Variants in ST6GALNAC3 observed in about 807,000 individuals in gnomAD.
The protein encoded by ST6GALNAC3 is alpha-N-acetylgalactosaminide alpha-2,6-sialyltransferase 3.
A neutral mutation model predicts 32.7 loss-of-function variants in ST6GALNAC3; 25 were observed. The ratio of observed to expected loss-of-function variants is 0.76; its 90% CI spans 0.56 to 1.07. ST6GALNAC3 has a LOEUF of 1.07. Ranked by LOEUF, ST6GALNAC3 falls within the 50% of genes least tolerant of loss-of-function variation. The pLI, the probability that ST6GALNAC3 is intolerant of heterozygous loss-of-function variation, is 0.00. For missense variants in ST6GALNAC3, 355 were observed against 382.4 expected (o/e 0.93, Z 0.60); for synonymous variants, 129 against 133.1 (o/e 0.97, Z 0.21).
At chr1:76,377,212 T>G (rs1187934632) in intron 2 of ST6GALNAC3, among the ~76,000 whole-genome samples, 3 of 152,172 alleles carry the variant, frequency 2.0e-5, no homozygotes, top group African/African-American at 7.2e-5. Flanking sequence ...AGGGCATGAC[T>G]GAGAAATTGA....
At chr1:76,602,099 A>G (rs1647262206) in intron 3 of ST6GALNAC3, among the ~76,000 whole-genome samples, 1 of 152,174 alleles carries the variant, frequency 6.6e-6, no homozygotes. Flanking sequence ...GAGGATGTTA[A>G]TGGGACTTCA....
chr1:76,148,154 T>G (rs1372192620), intron 1 of ST6GALNAC3, among the ~76,000 whole-genome samples: 1 of 152,220 alleles, frequency 6.6e-6, no homozygotes, highest in African/African-American at 2.4e-5. Flanking sequence ...TGCCTCAGTC[T>G]GTACCATGGG....
chr1:76,159,007 G>A (rs2100367336), intron 1 of ST6GALNAC3, among the ~76,000 whole-genome samples: 1 of 152,230 alleles, frequency 6.6e-6, no homozygotes, highest in South Asian at 2.1e-4. Context: ...AATGTGCCAG[G>A]GTCGTGTGGT....
chr1:76,249,960 A>G (rs1229629109), intron 1 of ST6GALNAC3, among the ~76,000 whole-genome samples: 7 of 152,006 alleles, frequency 4.6e-5, no homozygotes, highest in African/African-American at 1.2e-4. Flanking sequence ...GTCTTTTTTA[A>G]TTGTTGAGTT....
At chr1:76,111,645 C>A (rs555686117) in intron 1 of ST6GALNAC3, among the ~76,000 whole-genome samples, 234 of 149,634 alleles carry the variant, frequency 1.6e-3, no homozygotes, top group African/African-American at 5.4e-3. Context: ...TGACTCTTAA[C>A]GAGCATGCTG....
At chr1:76,236,922 T>C (rs1036745831) in intron 1 of ST6GALNAC3, among the ~76,000 whole-genome samples, 2 of 151,944 alleles carry the variant, frequency 1.3e-5, no homozygotes, top group South Asian at 4.1e-4. Context: ...CAGTGGCAGG[T>C]ACCTGATTTA....
intron 3 of ST6GALNAC3, among the ~76,000 whole-genome samples, chr1:76,478,021 G>A (rs763781863): frequency 6.6e-6 from 1 of 152,160 alleles, no homozygotes; most frequent in Non-Finnish European, 1.5e-5. Context: ...TGGAAGGGGA[G>A]TAGCAAGGAC....
In ST6GALNAC3 at chr1:76,494,468, T is replaced by TACACACAC. The variant is rs1472281207; in HGVS notation, c.623+82062_623+82069dup. Among the ~76,000 whole-genome samples, 34 of 59,526 alleles carry TACACACAC rather than the reference T, an allele frequency of 5.7e-4. 5 individuals are homozygous for TACACACAC. Among genetic ancestry groups the TACACACAC allele is most frequent in the African/African-American group, 1.6e-3 (23 of 14,256 alleles). The allele number at this position is 59,526 out of a possible 152,430, so 39.1% of individuals were successfully genotyped here. ...ATATATATATATATATATATATATA[T>TACACACAC]ACACACACACACACACACTTTCCCT... On this transcript the variant is annotated intron_variant, in intron 3 of 4. Transcript: ENST00000328299.
chr1:76,123,749 A>ATTTTTTTTTTTTTTTTTTTTTTTTTTTTT (rs767734132), intron 1 of ST6GALNAC3, among the ~76,000 whole-genome samples: 3 of 94,292 alleles, frequency 3.2e-5, no homozygotes, highest in African/African-American at 4.3e-5. Context: ...ACTCATTTTA[A>ATTTTTTTTTTTTTTTTTTTTTTTTTTTTT]TTTTTTTTTT....
intron 3 of ST6GALNAC3, among the ~76,000 whole-genome samples, chr1:76,530,406 C>T (rs1663180917): frequency 6.6e-6 from 1 of 152,118 alleles, no homozygotes; most frequent in African/African-American, 2.4e-5. Context: ...CCTAGGGGTT[C>T]ATTATACTTG....
chr1:76,609,290 AG>A (rs1647767697), intron 3 of ST6GALNAC3, among the ~76,000 whole-genome samples: 1 of 152,188 alleles, frequency 6.6e-6, no homozygotes, highest in Non-Finnish European at 1.5e-5. Flanking sequence ...AATGAAAAAA[AG>A]ATAACAGTAT....
At chr1:76,254,147 A>C (rs939679846) in intron 1 of ST6GALNAC3, among the ~76,000 whole-genome samples, 1 of 152,162 alleles carries the variant, frequency 6.6e-6, no homozygotes, top group Non-Finnish European at 1.5e-5. Flanking sequence ...TTGAAACCAT[A>C]AAATGCTATA....
chr1:76,108,485 C>G (rs1462888025), intron 1 of ST6GALNAC3, among the ~76,000 whole-genome samples: 1 of 152,176 alleles, frequency 6.6e-6, no homozygotes, highest in African/African-American at 2.4e-5. Flanking sequence ...AAGGCCTCTT[C>G]CATTGTGAAT....
chr1:76,259,640 A>G (rs547920551), intron 1 of ST6GALNAC3, among the ~76,000 whole-genome samples: 1 of 152,280 alleles, frequency 6.6e-6, no homozygotes, highest in South Asian at 2.1e-4. Flanking sequence ...TATAGATTTC[A>G]GTGGGGAAGA....
At chr1:76,559,844 T>C (rs1451169422) in intron 3 of ST6GALNAC3, among the ~76,000 whole-genome samples, 1 of 152,168 alleles carries the variant, frequency 6.6e-6, no homozygotes, top group African/African-American at 2.4e-5. Flanking sequence ...AGAATGCTAC[T>C]GTGTGCTGGC....
At chr1:76,508,544 C>T (rs989159782) in intron 3 of ST6GALNAC3, among the ~76,000 whole-genome samples, 1 of 152,126 alleles carries the variant, frequency 6.6e-6, no homozygotes, top group African/African-American at 2.4e-5. Context: ...AAGTTCGGCA[C>T]CTGGGACCCA....
At chr1:76,381,184 A>G (rs921323164) in intron 2 of ST6GALNAC3, among the ~76,000 whole-genome samples, 2 of 131,922 alleles carry the variant, frequency 1.5e-5, no homozygotes, top group Admixed American at 8.2e-5. Context: ...AAAAAAAAAA[A>G]AAGAAAAAAA....
chr1:76,125,078 AAT>A (rs1358631167), intron 1 of ST6GALNAC3, among the ~76,000 whole-genome samples: 1 of 152,206 alleles, frequency 6.6e-6, no homozygotes, highest in East Asian at 1.9e-4. Context: ...ACTTTTTGTT[AAT>A]GTAACTACTA....
chr1:76,438,366 C>G (rs1362420051), intron 3 of ST6GALNAC3, among the ~76,000 whole-genome samples: 1 of 152,072 alleles, frequency 6.6e-6, no homozygotes, highest in Non-Finnish European at 1.5e-5. Context: ...GTCTCGATCT[C>G]CTGACCTTGT....
Sources: gnomAD v4.1 joint callset for allele counts (sites outside exome capture counted in the v4.1 genomes callset) on GRCh38, gnomAD v4.1.1 for gene constraint, MANE v1.5 for transcripts, NCBI Gene and HGNC (gene_info 2026-07-23, HGNC 2026-07-21) for gene names.